The following MAMLD1 variants were observed in gnomAD, a reference collection of about 807,000 sequenced individuals.
MAMLD1 encodes the protein mastermind-like domain-containing protein 1.
MAMLD1 carries 14 observed loss-of-function variants against 45.0 expected under a neutral mutation model. The observed-to-expected ratio is 0.31, with a 90% CI of 0.21 to 0.49. The LOEUF is 0.49. Ranked by LOEUF, MAMLD1 falls within the 20% of genes least tolerant of loss-of-function variation. The pLI, the probability that MAMLD1 is intolerant of heterozygous loss-of-function variation, is 0.99. For missense variants in MAMLD1, 543 were observed against 603.6 expected (o/e 0.90, Z 1.05); for synonymous variants, 254 against 247.8 (o/e 1.02, Z -0.24).
chrX:150,383,744 C>T (rs2032782635), intron 1 of MAMLD1, among the ~76,000 whole-genome samples: 1 of 111,402 alleles, frequency 9.0e-6, no homozygotes. Context: ...AACCACATAT[C>T]CATTAGCAAA....
intron 1 of MAMLD1, among the ~76,000 whole-genome samples, chrX:150,364,657 A>C (rs1320415844): frequency 8.9e-6 from 1 of 112,488 alleles, no homozygotes; most frequent in African/African-American, 3.2e-5. Context: ...CCCCACGGTG[A>C]ACGTGCTGCT....
intron 1 of MAMLD1, among the ~76,000 whole-genome samples, chrX:150,393,643 C>A (rs1466919003): frequency 8.9e-6 from 1 of 111,931 alleles, no homozygotes; most frequent in Non-Finnish European, 1.9e-5. Context: ...GGTGTGTAGC[C>A]GTTATCTCAT....
At chrX:150,464,867 G>A (rs1293618321) in intron 3 of MAMLD1, among the ~76,000 whole-genome samples, 4 of 112,070 alleles carry the variant, frequency 3.6e-5, no homozygotes, top group African/African-American at 1.3e-4. Flanking sequence ...GAATAAAGTT[G>A]TTCATGGAGT....
At chrX:150,422,404 G>A (rs1280154943) in intron 1 of MAMLD1, among the ~76,000 whole-genome samples, 1 of 111,662 alleles carries the variant, frequency 9.0e-6, no homozygotes, top group Non-Finnish European at 1.9e-5. Flanking sequence ...GTACAAGAAG[G>A]GGATTGGACC....
chrX:150,482,422 G>A (rs2036845475), intron 5 of MAMLD1, among the ~76,000 whole-genome samples: 1 of 112,370 alleles, frequency 8.9e-6, no homozygotes, highest in African/African-American at 3.2e-5. Flanking sequence ...AAATGAAAAA[G>A]TTCTGGAGAT....
intron 2 of MAMLD1, among the ~76,000 whole-genome samples, chrX:150,451,578 T>C (rs1378482758): frequency 8.9e-6 from 1 of 111,883 alleles, no homozygotes; most frequent in Admixed American, 9.4e-5. Flanking sequence ...TCCAGACTTC[T>C]GGGGAGGAGG....
intron 2 of MAMLD1, among the ~76,000 whole-genome samples, chrX:150,460,404 G>A (rs2035998276): frequency 8.9e-6 from 1 of 112,565 alleles, no homozygotes; most frequent in African/African-American, 3.2e-5. Context: ...AGAAAATGGA[G>A]TGACTACTTC....
chrX:150,452,745 C>A (rs1274802830), intron 2 of MAMLD1, among the ~76,000 whole-genome samples: 1 of 75,070 alleles, frequency 1.3e-5, no homozygotes, highest in Non-Finnish European at 2.5e-5. Flanking sequence ...AATGCTATCC[C>A]TCCCCCCTCC....
chrX:150,512,510 G>C lies in MAMLD1; in HGVS notation c.*551G>C, dbSNP rs781941529. On this transcript the variant is annotated 3_prime_UTR_variant, in exon 8 of 8. Transcript: ENST00000370401. ...TAGCGTTCAGCAGCACTCACCTTCTGGCCAGGCCTGCCTTCAGAGGCCATC... is the reference window on the plus strand; with the variant it reads ...TAGCGTTCAGCAGCACTCACCTTCTCGCCAGGCCTGCCTTCAGAGGCCATC... 8.6e-7 allele frequency: 1 copy of C among 1,156,152 alleles called. No homozygotes were observed.
rs782169369 is a variant in MAMLD1, at chrX:150,401,718, C to T, written c.-64+38188C>T. On this transcript the variant is annotated intron_variant, in intron 1 of 7. Transcript: ENST00000370401. ...AAACAGCATGGTACTGGTACCAAAACGGAGATATAGATCAATGGAACAGAA... is the reference window on the plus strand; with the variant it reads ...AAACAGCATGGTACTGGTACCAAAATGGAGATATAGATCAATGGAACAGAA... 3.1e-3 allele frequency among the ~76,000 whole-genome samples: 349 copies of T among 111,691 alleles called. 3 individuals are homozygous for T. The highest frequency in any genetic ancestry group is 0.011 in the African/African-American group (329 of 30,722).
chrX:150,365,281 A>C, intron 1 of MAMLD1, among the ~76,000 whole-genome samples: 1 of 111,162 alleles, frequency 9.0e-6, no homozygotes, highest in Non-Finnish European at 1.9e-5. Flanking sequence ...GCGATGGGGG[A>C]GGGGGCTGTG....
intron 1 of MAMLD1, among the ~76,000 whole-genome samples, chrX:150,425,344 A>C (rs979536362): frequency 8.9e-6 from 1 of 112,231 alleles, no homozygotes; most frequent in African/African-American, 3.2e-5. Flanking sequence ...CCAACAATGT[A>C]TGAGGGCCCC....
chrX:150,469,606 CCTCT>C (rs200460474), intron 3 of MAMLD1, 135 bp from the exon 4 acceptor site: 1,048 of 400,871 alleles, frequency 2.6e-3, no homozygotes, highest in Non-Finnish European at 3.2e-3. Context: ...TATAAAAATT[CCTCT>C]CTCTCTCTCT....
upstream of MAMLD1, among the ~76,000 whole-genome samples, chrX:150,363,038 C>T (rs1158182483): frequency 8.8e-6 from 1 of 113,136 alleles, no homozygotes; most frequent in Non-Finnish European, 1.9e-5. Context: ...GCCCCTCGGG[C>T]GGCCGCAGCT....
chrX:150,403,968 GAAAGA>G (rs1557402577), intron 1 of MAMLD1, among the ~76,000 whole-genome samples: 1 of 89,844 alleles, frequency 1.1e-5, no homozygotes, highest in African/African-American at 4.3e-5. Flanking sequence ...AAGAAAGAAA[GAAAGA>G]AAGAAAGAAA....
chrX:150,385,335 T>C (rs1439318818), intron 1 of MAMLD1, among the ~76,000 whole-genome samples: 1 of 108,269 alleles, frequency 9.2e-6, no homozygotes, highest in Non-Finnish European at 1.9e-5. Context: ...TTGAACAACA[T>C]AGTGGTTTGG....
At chrX:150,431,664 A>C (rs951103433) in intron 1 of MAMLD1, among the ~76,000 whole-genome samples, 2 of 110,729 alleles carry the variant, frequency 1.8e-5, no homozygotes, top group African/African-American at 6.6e-5. Context: ...GAGAACATGC[A>C]GTTTGTGGAC....
chrX:150,388,219 A>G (rs2033018348), intron 1 of MAMLD1, among the ~76,000 whole-genome samples: 1 of 111,765 alleles, frequency 8.9e-6, no homozygotes, highest in Admixed American at 9.5e-5. Flanking sequence ...AATTTAGATT[A>G]TATATTTCAT....
At chrX:150,451,044 C>T (rs1008910161) in intron 2 of MAMLD1, among the ~76,000 whole-genome samples, 9 of 112,964 alleles carry the variant, frequency 8.0e-5, no homozygotes, top group Admixed American at 7.4e-4. Context: ...CACTGCTCAG[C>T]TTGCAGGACA....
Sources: allele counts gnomAD v4.1 joint callset (sites outside exome capture counted in the v4.1 genomes callset), GRCh38; gene constraint gnomAD v4.1.1; transcripts MANE v1.5; gene names NCBI Gene and HGNC (gene_info 2026-07-23, HGNC 2026-07-21).